The following IL16 variants were observed in gnomAD, a reference collection of about 807,000 sequenced individuals.
IL16 encodes the protein interleukin 16.
Under a neutral mutation model 110.1 loss-of-function variants are expected in IL16, and 67 were observed. That is an observed-to-expected ratio of 0.61 (90% CI 0.50 to 0.75). IL16 has a LOEUF of 0.75. Among genes scored for constraint, IL16 ranks in the 30% least tolerant of loss-of-function variants. IL16 has a pLI of 0.00. For missense variants in IL16, 1,545 were observed against 1,655.0 expected (o/e 0.93, Z 1.15); for synonymous variants, 689 against 662.9 (o/e 1.04, Z -0.61).
At chr15:81,195,113 T>C (rs1895563592), upstream of IL16, among the ~76,000 whole-genome samples, 1 of 152,002 alleles carries the variant, frequency 6.6e-6, no homozygotes, top group Admixed American at 6.6e-5. Context: ...CAGGGCCAAG[T>C]CTCAACTACA....
At chr15:81,227,455 G>A (rs917401584) in intron 2 of IL16, among the ~76,000 whole-genome samples, 5 of 152,126 alleles carry the variant, frequency 3.3e-5, no homozygotes, top group Admixed American at 2.0e-4. Context: ...CCTGGGGAAG[G>A]GCATTGCAGG....
chr15:81,193,431 T>A (rs1895529267), upstream of IL16, among the ~76,000 whole-genome samples: 2 of 151,730 alleles, frequency 1.3e-5, no homozygotes, highest in South Asian at 4.2e-4. Context: ...CCTGGAGAAG[T>A]GAATTTGGGA....
chr15:81,240,256 A>G (rs1202883923), intron 2 of IL16, among the ~76,000 whole-genome samples: 11 of 152,036 alleles, frequency 7.2e-5, no homozygotes. Flanking sequence ...CTATTGGTGG[A>G]CGTTTGAGAT....
intron 1 of IL16, among the ~76,000 whole-genome samples, chr15:81,216,841 C>T (rs1747549107): frequency 6.6e-6 from 1 of 152,166 alleles, no homozygotes; most frequent in African/African-American, 2.4e-5. Flanking sequence ...TTCCAGCCTC[C>T]CTCCTCTCCA....
At chr15:81,248,724 T>TTC (rs1358435217) in intron 2 of IL16, among the ~76,000 whole-genome samples, 179 of 142,874 alleles carry the variant, frequency 1.3e-3, no homozygotes, top group Non-Finnish European at 2.0e-3. Context: ...TCTTTCTTTT[T>TTC]TTTTTTTTTT....
intron 1 of IL16, among the ~76,000 whole-genome samples, chr15:81,204,762 GA>G (rs199872438): frequency 8.5e-6 from 1 of 117,904 alleles, no homozygotes; most frequent in Non-Finnish European, 1.6e-5. Flanking sequence ...AAAAAAAAAA[GA>G]AAAAAAAGAA....
intron 18 of IL16, 71 bp from the exon 19 acceptor site, chr15:81,308,534 A>G: frequency 8.6e-7 from 1 of 1,158,816 alleles, no homozygotes; most frequent in South Asian, 1.5e-5. Flanking sequence ...CTCTTTGGAG[A>G]TCAAGGAGAG....
chr15:81,303,569 C>G lies in IL16; in HGVS notation c.3339C>G (p.Val1113=). ...ATLKQLDGIH[V]TILHKEEGAG... is the part of the protein sequence containing the mutation. ...TGCAGCAATTAGACGGCATCCATGT[C>G]ACCATCTTACACAAGGAGGAAGGTG... The change falls in exon 16 of 19, where the codon GTC becomes GTG. Residue 1113 remains valine (V), a synonymous_variant. Transcript: ENST00000683961. This position sits in a 1 kb window ranked among gnomAD's most constrained non-coding sequence, Gnocchi z 4.1. 6.2e-7 allele frequency: 1 copy of G among 1,612,848 alleles called. No individual in the cohort carries two copies. The highest frequency in any genetic ancestry group is 8.5e-7 in the Non-Finnish European group (1 of 1,178,806).
Position 81,292,628 on chromosome 15 carries a change from C to T in IL16, c.1493C>T (p.Pro498Leu), listed in dbSNP as rs1196918158. Residue 498 changes from proline to leucine, a missense_variant, in exon 12 of 19, where the codon CCC becomes CTC. Around this residue, in one of 3 missense-constraint regions of IL16, gnomAD observed 1,185 missense variants for 1,238.8 expected, o/e 0.96. Transcript: ENST00000683961. ...LEKEREKNSAPPHRRAQKVMI... is the reference protein window; with the variant it reads ...LEKEREKNSALPHRRAQKVMI... ...AAGGAACGAGAGAAGAACTCAGCAC[C>T]CCCGCATCGCAGGGCTCAGAAGGTC... The T allele has an allele frequency of 1.2e-6, 2 of 1,611,212 alleles. No individual in the cohort carries two copies. Among genetic ancestry groups the T allele is most frequent in the Admixed American group, 3.3e-5 (2 of 59,956 alleles).
intron 2 of IL16, among the ~76,000 whole-genome samples, chr15:81,225,972 T>C (rs1194877204): frequency 5.3e-5 from 8 of 152,210 alleles, no homozygotes; most frequent in African/African-American, 1.9e-4. Flanking sequence ...AGATCCCTGA[T>C]GGAAAATGCC....
intron 9 of IL16, among the ~76,000 whole-genome samples, chr15:81,283,931 A>C (rs560870945): frequency 1.7e-4 from 25 of 149,308 alleles, no homozygotes; most frequent in Non-Finnish European, 3.6e-4. Flanking sequence ...TGAGCCAGGG[A>C]GGCAGAGGTT....
At position 81,182,923 on chromosome 15, in the gene IL16, A is replaced by T. The variant is rs1184582677; in HGVS notation, c.40+27A>T. The stretch of plus-strand genomic sequence containing the variant: ...TGAGTGGAGCTCCTTCTCCTATCCC[A>T]GGGGACTCAGGGGAGGTTGGAATGG... On this transcript the variant is annotated intron_variant, in intron 1 of 18. Coordinates refer to the IL16 transcript ENST00000302987. 3 of 1,272,772 alleles carry T rather than the reference A, an allele frequency of 2.4e-6. No individual in the cohort carries two copies. The Admixed American group carries it at 6.9e-5, about 29-fold the overall frequency. The allele number at this position is 1,272,772 out of a possible 1,614,324, so 78.8% of individuals were successfully genotyped here. A position where few individuals can be genotyped will look rare whatever the true frequency, so the allele number is the denominator to read the frequency against.
chr15:81,253,130 A>G lies in IL16; in HGVS notation c.313-6642A>G, dbSNP rs981851625. ...TTCCAATTTCTCATATCCTCCTTACACTAGCAGGTATAAAGTGGTTGTGAT... is the reference window on the plus strand; with the variant it reads ...TTCCAATTTCTCATATCCTCCTTACGCTAGCAGGTATAAAGTGGTTGTGAT... On this transcript the variant is annotated intron_variant, in intron 2 of 18. Coordinates refer to ENST00000683961, the MANE Select transcript of IL16 (RefSeq NM_172217.5). Among the ~76,000 whole-genome samples, 69 of 152,110 alleles carry G rather than the reference A, an allele frequency of 4.5e-4. 1 individual carries two copies. The highest frequency in any genetic ancestry group is 1.4e-3 in the African/African-American group (60 of 41,432).
At chr15:81,229,995 G>T (rs1452916265) in intron 2 of IL16, among the ~76,000 whole-genome samples, 1 of 152,184 alleles carries the variant, frequency 6.6e-6, no homozygotes, top group African/African-American at 2.4e-5. Context: ...TATTGGATGG[G>T]TTGTGTTTGG....
chr15:81,276,165 A>G (rs1898898764), intron 6 of IL16, among the ~76,000 whole-genome samples: 1 of 152,204 alleles, frequency 6.6e-6, no homozygotes, highest in Non-Finnish European at 1.5e-5. Context: ...TCACAATGAC[A>G]AGGACTGGTT....
At chr15:81,293,164 T>A in intron 12 of IL16, 127 bp downstream of exon 12, 2 of 1,052,730 alleles carry the variant, frequency 1.9e-6, no homozygotes, top group Non-Finnish European at 1.3e-6. Context: ...AGAGAGAAAC[T>A]GTTGCCTAGG....
chr15:81,268,005 C>A (rs183571072), intron 4 of IL16, among the ~76,000 whole-genome samples: 14 of 152,346 alleles, frequency 9.2e-5, no homozygotes, highest in South Asian at 2.1e-4. Context: ...AATTAACCAC[C>A]ACGGATGTCC....
exon 1 of IL16, chr15:81,182,864 T>C (rs1264915044): frequency 7.8e-7 from 1 of 1,289,390 alleles, no homozygotes; most frequent in African/African-American, 1.5e-5. Flanking sequence ...GCAATGAGTT[T>C]GCAGAAGAGA....
chr15:81,305,080 C>T (rs1900483158), intron 16 of IL16, among the ~76,000 whole-genome samples: 1 of 152,190 alleles, frequency 6.6e-6, no homozygotes, highest in African/African-American at 2.4e-5. Context: ...AATGTCTAGA[C>T]TGCCTAGGAG....
Sources: gnomAD v4.1 joint callset for allele counts (sites outside exome capture counted in the v4.1 genomes callset) on GRCh38, gnomAD v4.1.1 for gene constraint, gnomAD v4.1.1 regional missense constraint, Gnocchi (gnomAD v3.1) non-coding constraint, MANE v1.5 for transcripts, NCBI Gene and HGNC (gene_info 2026-07-23, HGNC 2026-07-21) for gene names.